The following DNAJC27 variants were observed in gnomAD, a reference collection of about 807,000 sequenced individuals.
The protein encoded by DNAJC27 is DnaJ heat shock protein family (Hsp40) member C27, also known as dnaJ homolog subfamily C member 27.
A neutral mutation model predicts 31.4 loss-of-function variants in DNAJC27; 25 were observed. The ratio of observed to expected loss-of-function variants is 0.80; its 90% CI spans 0.58 to 1.11. The LOEUF (loss-of-function observed/expected upper bound fraction) is 1.11. Among genes scored for constraint, DNAJC27 ranks in the 50% most tolerant of loss-of-function variants. DNAJC27 has a pLI of 0.00. For synonymous variants in DNAJC27, 106 were observed against 112.7 expected, an observed-to-expected ratio of 0.94 and a Z score of 0.37; for missense variants, 356 against 347.3, an observed-to-expected ratio of 1.02 and a Z score of -0.20.
intron 2 of DNAJC27, 119 bp downstream of exon 2, chr2:24,967,092 T>C: frequency 2.7e-6 from 2 of 735,432 alleles, no homozygotes; most frequent in Non-Finnish European, 4.6e-6. Context: ...TTTCCCAACT[T>C]ATCTTCAAAG....
chr2:24,967,863 T>C (rs897846486), intron 1 of DNAJC27, among the ~76,000 whole-genome samples: 2 of 152,178 alleles, frequency 1.3e-5, no homozygotes, highest in South Asian at 4.1e-4. Context: ...TCTATTCTTA[T>C]GCTTTCAACG....
At chr2:24,960,266 T>C (rs943310795) in intron 3 of DNAJC27, among the ~76,000 whole-genome samples, 1 of 152,212 alleles carries the variant, frequency 6.6e-6, no homozygotes, top group Non-Finnish European at 1.5e-5. Flanking sequence ...ACCATGAACA[T>C]ATAAGGTCAT....
intron 6 of DNAJC27, among the ~76,000 whole-genome samples, chr2:24,948,160 G>C (rs1343634757): frequency 6.6e-6 from 1 of 152,056 alleles, no homozygotes; most frequent in African/African-American, 2.4e-5. Context: ...CTGGAATGGA[G>C]CCCGAACACA....
At chr2:24,964,118 T>A (rs1435266228) in intron 2 of DNAJC27, among the ~76,000 whole-genome samples, 1 of 151,974 alleles carries the variant, frequency 6.6e-6, no homozygotes, top group East Asian at 1.9e-4. Flanking sequence ...TAAAGGAACA[T>A]TAGAAATAAT....
chr2:24,960,458 ATCTCTCATTT>A (rs1374188151), intron 3 of DNAJC27, among the ~76,000 whole-genome samples: 1 of 152,232 alleles, frequency 6.6e-6, no homozygotes, highest in Non-Finnish European at 1.5e-5. Context: ...AGAGTCATGT[ATCTCTCATTT>A]TAAATCAAAA....
intron 2 of DNAJC27, 53 bp downstream of exon 2, chr2:24,967,158 G>T (rs1461482999): frequency 1.4e-5 from 20 of 1,398,036 alleles, no homozygotes; most frequent in Admixed American, 1.2e-4. Flanking sequence ...GATCATTTTG[G>T]AAAGTTCTGA....
At chr2:24,963,281 C>T (rs1241819803) in intron 3 of DNAJC27, 124 bp downstream of exon 3, 6 of 639,884 alleles carry the variant, frequency 9.4e-6, no homozygotes, top group South Asian at 2.9e-5. Flanking sequence ...AGGCAAGCCA[C>T]GATCAAGCTA....
intron 1 of DNAJC27, among the ~76,000 whole-genome samples, chr2:24,970,190 GTTA>G (rs1428817452): frequency 6.6e-6 from 1 of 152,122 alleles, no homozygotes; most frequent in African/African-American, 2.4e-5. Context: ...ACACAATAAA[GTTA>G]TTAATTTGTG....
intron 3 of DNAJC27, 37 bp downstream of exon 3, chr2:24,963,368 A>G: frequency 6.5e-7 from 1 of 1,539,814 alleles, no homozygotes; most frequent in Non-Finnish European, 9.0e-7. Flanking sequence ...ACCACCAACA[A>G]TACTGGATAT....
intron 1 of DNAJC27, among the ~76,000 whole-genome samples, chr2:24,970,983 A>T (rs908553257): frequency 4.6e-5 from 7 of 152,220 alleles, no homozygotes; most frequent in Non-Finnish European, 1.0e-4. Flanking sequence ...ACAACGACGG[A>T]AAGAGCACCG....
At chr2:24,958,593 T>C in intron 3 of DNAJC27, 1 of 416,226 alleles carries the variant, frequency 2.4e-6, no homozygotes, top group African/African-American at 2.0e-5. Flanking sequence ...TGCGTCTCAG[T>C]TTCCTCATCT....
At chr2:24,949,842 C>G (rs1425206900) in intron 6 of DNAJC27, among the ~76,000 whole-genome samples, 2 of 151,476 alleles carry the variant, frequency 1.3e-5, no homozygotes, top group Admixed American at 6.6e-5. Flanking sequence ...GGAGATGACA[C>G]AGAAGAATTC....
chr2:24,961,577 G>A (rs182971633), intron 3 of DNAJC27, among the ~76,000 whole-genome samples: 1 of 151,924 alleles, frequency 6.6e-6, no homozygotes, highest in Non-Finnish European at 1.5e-5. Context: ...AAGAACATTC[G>A]TGATTCAGGG....
At chr2:24,953,207 C>T (rs1257267651) in intron 5 of DNAJC27, among the ~76,000 whole-genome samples, 2 of 152,080 alleles carry the variant, frequency 1.3e-5, no homozygotes, top group Admixed American at 6.5e-5. Context: ...AAATCTTTTC[C>T]TCTTCTTTTT....
Position 24,945,518 on chromosome 2 carries a change from C to A in DNAJC27, c.*2098G>T, listed in dbSNP as rs1050800508. ...CACATTCAGAGTTGTCGTGTCAATT[C>A]GGGCTGACGCTACCGTGCACGATCC... On this transcript the variant is annotated 3_prime_UTR_variant, in exon 7 of 7. Transcript: ENST00000264711. The A allele has an allele frequency of 6.6e-6, 1 of 152,174 alleles. No individual in the cohort carries two copies. The highest frequency in any genetic ancestry group is 2.4e-5 in the African/African-American group (1 of 41,432). The allele number at this position is 152,174 out of a possible 1,614,324, so 9.4% of individuals were successfully genotyped here.
intron 5 of DNAJC27, among the ~76,000 whole-genome samples, chr2:24,956,277 C>T (rs886933362): frequency 6.6e-6 from 1 of 152,202 alleles, no homozygotes; most frequent in Non-Finnish European, 1.5e-5. Context: ...AAGAAAACTA[C>T]ATTATTCATG....
intron 5 of DNAJC27, 125 bp downstream of exon 5, chr2:24,956,918 T>C (rs1665916281): frequency 8.7e-7 from 1 of 1,153,232 alleles, no homozygotes; most frequent in Non-Finnish European, 1.2e-6. Context: ...CTCACTAGAT[T>C]CTTTGAAAAG....
At position 24,945,230 on chromosome 2, in the gene DNAJC27, T is replaced by G. The variant is rs1459181513; in HGVS notation, c.*2386A>C. ...AATTCTAGGACCCTGAAGCTTAACT[T>G]GCTTATTTTATTCCTTTTACGTAAA... is the stretch of plus-strand genomic sequence containing the variant. On this transcript the variant is annotated 3_prime_UTR_variant, in exon 7 of 7. Coordinates refer to ENST00000264711, the MANE Select transcript of DNAJC27 (RefSeq NM_016544.3). 5 of 152,228 alleles carry G rather than the reference T, an allele frequency of 3.3e-5. No individual in the cohort carries two copies. The highest frequency in any genetic ancestry group is 1.2e-4 in the African/African-American group (5 of 41,442). 9.4% of individuals were successfully genotyped at this position (152,228 alleles called of 1,614,324 possible). A position where few individuals can be genotyped will look rare whatever the true frequency, so the allele number is the denominator to read the frequency against.
intron 2 of DNAJC27, among the ~76,000 whole-genome samples, chr2:24,965,517 A>T (rs1435046400): frequency 1.3e-5 from 2 of 152,128 alleles, no homozygotes; most frequent in South Asian, 4.1e-4. Flanking sequence ...TGGCCTCCCA[A>T]AGTGCTAGGA....
Sources: allele counts gnomAD v4.1 joint callset (sites outside exome capture counted in the v4.1 genomes callset), GRCh38; gene constraint gnomAD v4.1.1; transcripts MANE v1.5; gene names NCBI Gene and HGNC (gene_info 2026-07-23, HGNC 2026-07-21).